Variants in FBXO38 observed in about 807,000 individuals in gnomAD.
FBXO38 encodes F-box protein 38.
FBXO38 carries 53 observed loss-of-function variants against 131.9 expected under a neutral mutation model. The ratio of observed to expected loss-of-function variants is 0.40; its 90% CI spans 0.32 to 0.51. The LOEUF is 0.51. FBXO38 is among the 20% of genes least tolerant of loss of function. The pLI is 0.53. For missense variants in FBXO38, 1,076 were observed against 1,475.6 expected (o/e 0.73, Z 4.44); for synonymous variants, 452 against 505.6 (o/e 0.89, Z 1.42).
intron 7 of FBXO38, among the ~76,000 whole-genome samples, 164 bp from the exon 8 acceptor site, chr5:148,408,960 A>G (rs929176059): frequency 6.6e-6 from 1 of 152,204 alleles, no homozygotes; most frequent in Admixed American, 6.5e-5. Flanking sequence ...GGTCACCAGT[A>G]GTTATAATTC....
chr5:148,409,354 A>C (rs1306027522), intron 8 of FBXO38, 137 bp downstream of exon 8: 4 of 644,400 alleles, frequency 6.2e-6, no homozygotes, highest in Non-Finnish European at 1.1e-5. Context: ...AAATACGAAG[A>C]AGTCCAAATA....
chr5:148,409,614 G>A (rs1002571713), intron 8 of FBXO38, among the ~76,000 whole-genome samples: 4 of 152,214 alleles, frequency 2.6e-5, no homozygotes, highest in African/African-American at 9.6e-5. Flanking sequence ...TTGCTATTCA[G>A]AAATCAGTGT....
intron 1 of FBXO38, among the ~76,000 whole-genome samples, chr5:148,388,896 T>C (rs1396269334): frequency 2.0e-5 from 3 of 152,260 alleles, no homozygotes; most frequent in Non-Finnish European, 4.4e-5. Context: ...GCCTAGCTTC[T>C]GGTCTGTCTT....
intron 2 of FBXO38, among the ~76,000 whole-genome samples, chr5:148,398,440 TAA>T (rs77726724): frequency 6.6e-4 from 89 of 134,934 alleles, no homozygotes; most frequent in Non-Finnish European, 8.3e-4. Context: ...CCTTAAAGGT[TAA>T]AAAAAAAAAA....
Position 148,427,727 on chromosome 5 carries a change from G to A in FBXO38, c.2433G>A (p.Thr811=), listed in dbSNP as rs368967979. 16 of 1,613,950 alleles carry A rather than the reference G, an allele frequency of 9.9e-6. No homozygotes were observed. Among genetic ancestry groups the A allele is most frequent in the African/African-American group, 1.3e-5 (1 of 74,920 alleles). The change falls in exon 15 of 22, where the codon ACG becomes ACA. Residue 811 remains threonine (T), a synonymous_variant. Coordinates refer to ENST00000340253, the MANE Select transcript of FBXO38 (RefSeq NM_205836.3). ...GTGTTGTGAATGGCCCGGATGGTAC[G>A]AGATCCGCCTTTTCCTTTAGGACTC... ...RACVVNGPDG[T]RSAFSFRTLP... is the part of the protein sequence containing the mutation.
chr5:148,394,147 T>C (rs1758355714), intron 1 of FBXO38, among the ~76,000 whole-genome samples: 1 of 152,198 alleles, frequency 6.6e-6, no homozygotes, highest in South Asian at 2.1e-4. Flanking sequence ...AGGAGTTCTC[T>C]AGTTTTTATC....
rs530960612 is a variant in FBXO38, at chr5:148,412,093, A to G, written c.1093+1328A>G. On this transcript the variant is annotated intron_variant, in intron 9 of 21. Coordinates refer to ENST00000340253, the MANE Select transcript of FBXO38 (RefSeq NM_205836.3). ...TTTCTCCTCAACATATGTTTTCAAT[A>G]GCATAAAAATACCTTCTTGACTACC... is the stretch of plus-strand genomic sequence containing the variant. 3.3e-5 allele frequency among the ~76,000 whole-genome samples: 5 copies of G among 152,300 alleles called. No individual in the cohort carries two copies. In the South Asian group the frequency reaches 1.0e-3, roughly 32 times the overall value.
Position 148,427,890 on chromosome 5 carries a change from A to C in FBXO38, c.2596A>C (p.Arg866=). The change falls in exon 15 of 22, where the codon AGG becomes CGG. Residue 866 remains arginine, a synonymous_variant. Coordinates refer to ENST00000340253, the MANE Select transcript of FBXO38 (RefSeq NM_205836.3). The part of the protein sequence containing the change: ...DVQSNEDYPR[R]PLTRARSRLS... ...GCAGTCTAATGAAGACTACCCTCGG[A>C]GGCCCCTAACCAGGGCCAGGAGCAG... is the stretch of plus-strand genomic sequence containing the variant. 1 of 1,551,492 alleles carries C rather than the reference A, an allele frequency of 6.4e-7. No individual in the cohort carries two copies. The highest frequency in any genetic ancestry group is 8.7e-7 in the Non-Finnish European group (1 of 1,151,644).
intron 20 of FBXO38, 38 bp from the exon 21 acceptor site, chr5:148,441,086 C>T: frequency 6.7e-7 from 1 of 1,501,198 alleles, no homozygotes; most frequent in Non-Finnish European, 9.3e-7. Flanking sequence ...TCTGTCAGCA[C>T]TCCCACGCCA....
chr5:148,417,470 C>T (rs963610005), intron 12 of FBXO38, among the ~76,000 whole-genome samples: 2 of 152,084 alleles, frequency 1.3e-5, no homozygotes, highest in African/African-American at 4.8e-5. Flanking sequence ...AGAGTGGTAA[C>T]TCTTGAGGTC....
In FBXO38 at chr5:148,414,193, C is replaced by A; in HGVS notation, c.1151C>A (p.Pro384His). 1 of 1,612,248 alleles carries A rather than the reference C, an allele frequency of 6.2e-7. No homozygotes were observed. The highest frequency in any genetic ancestry group is 8.5e-7 in the Non-Finnish European group (1 of 1,179,334). The change falls in exon 10 of 22, where the codon CCT becomes CAT. Residue 384 changes from proline to histidine, a missense_variant. Pro to His is a moderately conservative substitution (Grantham distance 77). Around this residue, in one of 8 missense-constraint regions of FBXO38, gnomAD observed 146 missense variants for 274.3 expected, o/e 0.53. Transcript: ENST00000340253. ...KYGLADVVEN[P>H]GIITDIGMKA... ...GGTTTGGCTGATGTGGTAGAAAATC[C>A]TGGTATCATCACTGATATAGGGATG...
At chr5:148,388,879 A>C (rs1480089101) in intron 1 of FBXO38, among the ~76,000 whole-genome samples, 4 of 152,232 alleles carry the variant, frequency 2.6e-5, no homozygotes, top group African/African-American at 4.8e-5. Context: ...AATGTTTGGC[A>C]CAAGAAGCCT....
At position 148,439,735 on chromosome 5, in the gene FBXO38, A is replaced by G; in HGVS notation, c.3113A>G (p.Asn1038Ser). 6.2e-7 allele frequency: 1 copy of G among 1,613,870 alleles called. No individual in the cohort carries two copies. Residue 1038 changes from asparagine (N) to serine (S), a missense_variant, in exon 19 of 22, where the codon AAT becomes AGT. Asn to Ser is a conservative substitution (Grantham distance 46). Transcript: ENST00000340253. ...ATCCATGAATTCAGTAACCCTCCCA[A>G]TGTCCGGAATAAGGTGCGCATTCGC... ...CIIHEFSNPP[N>S]VRNKVRIRSW...
chr5:148,418,043 T>C (rs1417542098), intron 12 of FBXO38, among the ~76,000 whole-genome samples: 1 of 152,160 alleles, frequency 6.6e-6, no homozygotes, highest in East Asian at 1.9e-4. Flanking sequence ...GACAAAAGAA[T>C]CATCTGTAGG....
chr5:148,421,319 C>T (rs921352423), intron 12 of FBXO38, among the ~76,000 whole-genome samples: 1 of 152,052 alleles, frequency 6.6e-6, no homozygotes, highest in Non-Finnish European at 1.5e-5. Flanking sequence ...TGGTCTGGGA[C>T]TATACTTTGA....
chr5:148,423,415 A>C (rs1427651763), intron 12 of FBXO38, among the ~76,000 whole-genome samples: 1 of 152,254 alleles, frequency 6.6e-6, no homozygotes, highest in Non-Finnish European at 1.5e-5. Context: ...CATTTAGCAT[A>C]GAGCCTGCCA....
intron 1 of FBXO38, among the ~76,000 whole-genome samples, chr5:148,392,418 AG>A (rs1186178609): frequency 6.6e-6 from 1 of 151,512 alleles, no homozygotes; most frequent in Non-Finnish European, 1.5e-5. Context: ...TGTTTTGGGG[AG>A]GGGGAGGGTT....
intron 2 of FBXO38, chr5:148,397,690 T>C (rs1458356742): frequency 2.0e-5 from 3 of 152,172 alleles, no homozygotes; most frequent in African/African-American, 7.2e-5. Context: ...TATGTGGACT[T>C]TTCTTTTAGA....
chr5:148,391,713 T>C (rs1758204242), intron 1 of FBXO38, among the ~76,000 whole-genome samples: 1 of 152,182 alleles, frequency 6.6e-6, no homozygotes, highest in Non-Finnish European at 1.5e-5. Flanking sequence ...TGTAGGCCGA[T>C]TGTTTTGTTT....
Sources: gnomAD v4.1 joint callset for allele counts (sites outside exome capture counted in the v4.1 genomes callset) on GRCh38, gnomAD v4.1.1 for gene constraint, gnomAD v4.1.1 regional missense constraint, MANE v1.5 for transcripts, NCBI Gene and HGNC (gene_info 2026-07-23, HGNC 2026-07-21) for gene names.